Variants in TMEM178B observed in about 807,000 individuals in gnomAD.
TMEM178B encodes transmembrane protein 178B.
In TMEM178B, 5 loss-of-function variants were observed where a neutral mutation model predicts 31.0. The observed-to-expected ratio is 0.16, with a 90% CI of 0.08 to 0.34. The LOEUF is 0.34. TMEM178B is among the 10% of genes least tolerant of loss of function. TMEM178B has a pLI of 1.00. For missense variants in TMEM178B, 275 were observed against 400.3 expected (o/e 0.69, Z 2.67); for synonymous variants, 164 against 164.0 (o/e 1.00, Z 0.00).
chr7:141,477,014 G>A lies in TMEM178B; in HGVS notation c.*6228G>A, dbSNP rs1802382714. The A allele has an allele frequency of 6.5e-6, 1 of 154,826 alleles. No homozygotes were observed. Among genetic ancestry groups the A allele is most frequent in the Admixed American group, 6.5e-5 (1 of 15,292 alleles). 9.6% of individuals were successfully genotyped at this position (154,826 alleles called of 1,614,324 possible). A position where few individuals can be genotyped will look rare whatever the true frequency, so the allele number is the denominator to read the frequency against. On this transcript the variant is annotated 3_prime_UTR_variant, in exon 4 of 4. Transcript: ENST00000565468. ...TGCAACTCCTACACTTCATTCCCAA[G>A]GACCAGGTGTTGCTCCTTAAGGAAC...
intron 2 of TMEM178B, among the ~76,000 whole-genome samples, chr7:141,349,271 A>T (rs1563158833): frequency 6.6e-6 from 1 of 152,178 alleles, no homozygotes; most frequent in Admixed American, 6.5e-5. Flanking sequence ...TGGAATGTTC[A>T]GATTGTCAAA....
At chr7:141,445,128 T>C (rs1801729972) in intron 3 of TMEM178B, among the ~76,000 whole-genome samples, 1 of 152,110 alleles carries the variant, frequency 6.6e-6, no homozygotes, top group Non-Finnish European at 1.5e-5. Context: ...CTAAAGAAGC[T>C]CAGGCTATTA....
At chr7:141,297,025 A>G (rs771673549) in intron 2 of TMEM178B, 2 of 152,242 alleles carry the variant, frequency 1.3e-5, no homozygotes, top group Non-Finnish European at 2.9e-5. Context: ...ACATCATGGT[A>G]CATCCCTAGG....
At chr7:141,349,148 T>G (rs1342018952) in intron 2 of TMEM178B, among the ~76,000 whole-genome samples, 1 of 152,250 alleles carries the variant, frequency 6.6e-6, no homozygotes, top group Non-Finnish European at 1.5e-5. Flanking sequence ...CTTCTTTTAC[T>G]TATAAACTAG....
At chr7:141,076,692 G>GC (rs889190561) in intron 1 of TMEM178B, among the ~76,000 whole-genome samples, 2 of 152,164 alleles carry the variant, frequency 1.3e-5, no homozygotes, top group African/African-American at 4.8e-5. Context: ...ACAACATTTT[G>GC]ATTTTGTATC....
At chr7:141,254,643 G>A (rs942563730) in intron 2 of TMEM178B, among the ~76,000 whole-genome samples, 6 of 152,140 alleles carry the variant, frequency 3.9e-5, no homozygotes, top group African/African-American at 1.2e-4. Flanking sequence ...GCTTGAACCC[G>A]GGGGAGGGCA....
At chr7:141,262,887 G>T (rs1024823411) in intron 2 of TMEM178B, among the ~76,000 whole-genome samples, 1 of 152,282 alleles carries the variant, frequency 6.6e-6, no homozygotes, top group South Asian at 2.1e-4. Flanking sequence ...ATTGTGGCTA[G>T]TTCAGACCCA....
At position 141,074,239 on chromosome 7, in the gene TMEM178B, T is replaced by TC; in HGVS notation, c.-72_-71insC. On this transcript the variant is annotated 5_prime_UTR_variant, in exon 1 of 4. Transcript: ENST00000565468. The surrounding 1 kb of genome is among the most constrained non-coding windows in gnomAD (Gnocchi z 5.1). ...TCCCCCAGCTCGGCCGCCCGCCGCT[T>TC]TGTTCCGGGTGCGGCGAGGGAAGGC... is the stretch of plus-strand genomic sequence containing the variant. 1 of 1,442,132 alleles carries TC rather than the reference T, an allele frequency of 6.9e-7. No individual in the cohort carries two copies. Among genetic ancestry groups the TC allele is most frequent in the Non-Finnish European group, 9.1e-7 (1 of 1,100,440 alleles). The allele number at this position is 1,442,132 out of a possible 1,614,324, so 89.3% of individuals were successfully genotyped here.
chr7:141,290,558 TGCACACAC>T (rs1356728879), intron 2 of TMEM178B, among the ~76,000 whole-genome samples: 3 of 152,108 alleles, frequency 2.0e-5, no homozygotes, highest in African/African-American at 4.8e-5. Context: ...TACACGTGCA[TGCACACAC>T]GCACACACAC....
chr7:141,292,188 A>G (rs1586874483), intron 2 of TMEM178B, among the ~76,000 whole-genome samples: 1 of 152,212 alleles, frequency 6.6e-6, no homozygotes, highest in Non-Finnish European at 1.5e-5. Flanking sequence ...TGTTCTGTGA[A>G]GCATGGAACA....
the TMEM178B span, among the ~76,000 whole-genome samples, chr7:141,488,878 C>G: frequency 2.8e-4 from 42 of 149,474 alleles, no homozygotes; most frequent in Non-Finnish European, 8.9e-5. Context: ...TTTAAAAAAC[C>G]AAAGGACTCT....
intron 1 of TMEM178B, among the ~76,000 whole-genome samples, chr7:141,169,516 A>T (rs1489126296): frequency 1.3e-5 from 2 of 152,190 alleles, no homozygotes; most frequent in African/African-American, 4.8e-5. Context: ...GTACGTGTGC[A>T]TGTATTTTTA....
At chr7:141,261,980 G>T (rs1798021141) in intron 2 of TMEM178B, among the ~76,000 whole-genome samples, 1 of 152,104 alleles carries the variant, frequency 6.6e-6, no homozygotes, top group African/African-American at 2.4e-5. Flanking sequence ...CCAGAAAAGA[G>T]CCCTAGAGAC....
At chr7:141,213,235 T>G (rs548743269) in intron 2 of TMEM178B, among the ~76,000 whole-genome samples, 5 of 152,202 alleles carry the variant, frequency 3.3e-5, no homozygotes, top group Non-Finnish European at 7.3e-5. Flanking sequence ...TTTGGAACCT[T>G]GGTTCATGTG....
intron 2 of TMEM178B, among the ~76,000 whole-genome samples, chr7:141,248,185 C>T (rs1797769510): frequency 6.6e-6 from 1 of 152,036 alleles, no homozygotes; most frequent in Non-Finnish European, 1.5e-5. Flanking sequence ...CTGAGGTGGG[C>T]AGATAATTTG....
intron 2 of TMEM178B, among the ~76,000 whole-genome samples, chr7:141,264,971 T>G (rs996183489): frequency 2.6e-5 from 4 of 152,206 alleles, no homozygotes; most frequent in African/African-American, 9.7e-5. Context: ...CACATTTAAT[T>G]ATTTGAATAT....
intron 2 of TMEM178B, among the ~76,000 whole-genome samples, chr7:141,343,662 G>T (rs907541758): frequency 1.3e-5 from 2 of 149,314 alleles, no homozygotes; most frequent in East Asian, 2.0e-4. Flanking sequence ...CCATTCTCTT[G>T]CCTCAGCCTC....
intron 2 of TMEM178B, among the ~76,000 whole-genome samples, 189 bp from the exon 3 acceptor site, chr7:141,437,419 A>T (rs1311303451): frequency 6.6e-6 from 1 of 152,196 alleles, no homozygotes; most frequent in Non-Finnish European, 1.5e-5. Flanking sequence ...CTGTTTGTGC[A>T]CACAAGGATA....
intron 2 of TMEM178B, among the ~76,000 whole-genome samples, chr7:141,383,496 G>T (rs552259066): frequency 1.3e-5 from 2 of 151,916 alleles, no homozygotes; most frequent in East Asian, 3.9e-4. Context: ...GCAAAAGTTT[G>T]CTGAGAATGA....
Sources: allele counts gnomAD v4.1 joint callset (sites outside exome capture counted in the v4.1 genomes callset), GRCh38; gene constraint gnomAD v4.1.1; non-coding constraint Gnocchi (gnomAD v3.1); transcripts MANE v1.5; gene names NCBI Gene and HGNC (gene_info 2026-07-23, HGNC 2026-07-21).